The following BCAS3 variants were observed in gnomAD, a reference collection of about 807,000 sequenced individuals.
The protein encoded by BCAS3 is BCAS4/BCAS3 fusion.
BCAS3 carries 53 observed loss-of-function variants against 116.1 expected under a neutral mutation model. The ratio of observed to expected loss-of-function variants is 0.46; its 90% CI spans 0.37 to 0.57. The LOEUF is 0.57. BCAS3 is among the 20% of genes least tolerant of loss of function. BCAS3 has a pLI of 0.00. For synonymous variants in BCAS3, 391 were observed against 408.2 expected (o/e 0.96, Z 0.51); for missense variants, 917 against 1,165.4 (o/e 0.79, Z 3.10).
In BCAS3 at chr17:60,732,832, C is replaced by T. The variant is rs150357510; in HGVS notation, c.322-14366C>T. Among the ~76,000 whole-genome samples the T allele has an allele frequency of 2.4e-3, 364 of 152,086 alleles. 2 individuals carry two copies. Among genetic ancestry groups the T allele is most frequent in the African/African-American group, 8.1e-3 (337 of 41,486 alleles). ...CCAGCCTGGCGACAGAGCGAGACAT[C>T]GTCTCAAAAATAAATAAATAAATAA... On this transcript the variant is annotated intron_variant, in intron 5 of 23. Coordinates refer to ENST00000407086, the MANE Select transcript of BCAS3 (RefSeq NM_017679.5).
At chr17:61,175,557 T>C (rs2079085913) in intron 22 of BCAS3, among the ~76,000 whole-genome samples, 2 of 152,222 alleles carry the variant, frequency 1.3e-5, no homozygotes, top group Admixed American at 6.5e-5. Context: ...CAGCAAATTA[T>C]GTGAATGTTT....
At position 61,012,954 on chromosome 17, in the gene BCAS3, A is replaced by G. The variant is rs549321850; in HGVS notation, c.1487-2797A>G. Among the ~76,000 whole-genome samples the G allele has an allele frequency of 6.6e-6, 1 of 152,180 alleles. No homozygotes were observed. Among genetic ancestry groups the G allele is most frequent in the East Asian group, 1.9e-4 (1 of 5,176 alleles). On this transcript the variant is annotated intron_variant, in intron 15 of 23. Coordinates refer to ENST00000407086, the MANE Select transcript of BCAS3 (RefSeq NM_017679.5). The surrounding 1 kb of genome is among the most constrained non-coding windows in gnomAD (Gnocchi z 4.5). The stretch of plus-strand genomic sequence containing the variant: ...TCTGGCTCAATTGAGAGGTCCTCCT[A>G]AAACTGAAATATTTTATCTGCCATA...
At chr17:60,752,410 C>T (rs2042559351) in intron 6 of BCAS3, among the ~76,000 whole-genome samples, 1 of 136,070 alleles carries the variant, frequency 7.3e-6, no homozygotes, top group African/African-American at 2.5e-5. Context: ...GAATTGCTCA[C>T]ATGTGTATTT....
intron 5 of BCAS3, among the ~76,000 whole-genome samples, chr17:60,726,970 A>G (rs574202898): frequency 4.6e-5 from 7 of 152,134 alleles, no homozygotes; most frequent in Non-Finnish European, 1.0e-4. Flanking sequence ...TGTTAGTCTT[A>G]TTTTACACTT....
intron 23 of BCAS3, among the ~76,000 whole-genome samples, chr17:61,370,147 A>T (rs2058971090): frequency 6.6e-6 from 1 of 152,204 alleles, no homozygotes; most frequent in South Asian, 2.1e-4. Context: ...CAGCTGAGGG[A>T]TTCAGGAGAG....
At chr17:60,734,364 A>C (rs1246256383) in intron 5 of BCAS3, among the ~76,000 whole-genome samples, 1 of 152,158 alleles carries the variant, frequency 6.6e-6, no homozygotes, top group Non-Finnish European at 1.5e-5. Flanking sequence ...TCTTGGCCTC[A>C]AGCAGTCCTC....
At chr17:61,127,839 G>T (rs1386133698) in intron 22 of BCAS3, among the ~76,000 whole-genome samples, 6 of 150,910 alleles carry the variant, frequency 4.0e-5, no homozygotes. Flanking sequence ...AAAGTTAGTT[G>T]GGTGATATAA....
intron 10 of BCAS3, among the ~76,000 whole-genome samples, chr17:60,897,133 G>GA (rs991556519): frequency 4.6e-5 from 7 of 152,056 alleles, no homozygotes; most frequent in African/African-American, 1.7e-4. Flanking sequence ...TTGCTTGTTG[G>GA]AAAAAATGTC....
chr17:60,761,345 A>G (rs187220066), intron 6 of BCAS3, among the ~76,000 whole-genome samples: 61 of 151,840 alleles, frequency 4.0e-4, no homozygotes, highest in Non-Finnish European at 6.5e-4. Context: ...TATTTCTCCT[A>G]ATGCTCTCCC....
intron 5 of BCAS3, among the ~76,000 whole-genome samples, chr17:60,745,506 A>G (rs565852290): frequency 5.4e-4 from 82 of 152,236 alleles, no homozygotes; most frequent in Non-Finnish European, 1.0e-3. Flanking sequence ...TAGATTTCAG[A>G]GAATGTACGA....
rs924114661 is a variant in BCAS3, at chr17:60,990,323, T to C, written c.1486+88T>C. 5.8e-6 allele frequency: 8 copies of C among 1,384,558 alleles called. No individual in the cohort carries two copies. The highest frequency in any genetic ancestry group is 7.9e-6 in the Non-Finnish European group (8 of 1,012,542). The allele number at this position is 1,384,558 out of a possible 1,614,324, so 85.8% of individuals were successfully genotyped here. A position where few individuals can be genotyped will look rare whatever the true frequency, so the allele number is the denominator to read the frequency against. On this transcript the variant is annotated intron_variant, in intron 15 of 23. Coordinates refer to ENST00000407086, the MANE Select transcript of BCAS3 (RefSeq NM_017679.5). This position sits in a 1 kb window ranked among gnomAD's most constrained non-coding sequence, Gnocchi z 5.1. ...ATCTGGGATAAAACTAAACTTGTTATAGTCTGTTCATGTAAAAAGAAGATC... is the reference window on the plus strand; with the variant it reads ...ATCTGGGATAAAACTAAACTTGTTACAGTCTGTTCATGTAAAAAGAAGATC...
At chr17:60,757,033 C>T (rs899018490) in intron 6 of BCAS3, among the ~76,000 whole-genome samples, 2 of 152,004 alleles carry the variant, frequency 1.3e-5, no homozygotes, top group African/African-American at 2.4e-5. Flanking sequence ...CGTGTTGGCG[C>T]GTGCCTGTAG....
At chr17:61,335,837 A>T (rs988168124) in intron 22 of BCAS3, among the ~76,000 whole-genome samples, 10 of 152,254 alleles carry the variant, frequency 6.6e-5, no homozygotes, top group Admixed American at 5.2e-4. Context: ...AGAAATCTAT[A>T]AACTCCAATC....
rs147126561 is a variant in BCAS3 at position 61,300,192 on chromosome 17, G to A, written c.2426-68135G>A. On this transcript the variant is annotated intron_variant, in intron 22 of 23. Coordinates refer to ENST00000407086, the MANE Select transcript of BCAS3 (RefSeq NM_017679.5). This position sits in a 1 kb window ranked among gnomAD's most constrained non-coding sequence, Gnocchi z 5.1. ...TTATACTGAAAGGACAAAACAGCCA[G>A]CCAGTCTTCTATGAGAAAGATGTCA... Among the ~76,000 whole-genome samples, 25 of 152,306 alleles carry A rather than the reference G, an allele frequency of 1.6e-4. No homozygotes were observed. The East Asian group carries it at 4.8e-3, about 29-fold the overall frequency.
chr17:60,980,220 T>C (rs1170591086), intron 14 of BCAS3, among the ~76,000 whole-genome samples: 1 of 152,186 alleles, frequency 6.6e-6, no homozygotes, highest in Non-Finnish European at 1.5e-5. Flanking sequence ...GCGGAAGCAC[T>C]TTCTAAGTGG....
intron 17 of BCAS3, chr17:61,036,414 C>G (rs1270297160): frequency 6.6e-6 from 1 of 152,174 alleles, no homozygotes; most frequent in Non-Finnish European, 1.5e-5. Context: ...GTTAAGTATG[C>G]AAGCCTTCCA....
chr17:61,115,017 T>C (rs1218569167), intron 22 of BCAS3, among the ~76,000 whole-genome samples: 1 of 151,212 alleles, frequency 6.6e-6, no homozygotes, highest in Non-Finnish European at 1.5e-5. Context: ...TAAATGGTGC[T>C]GGGAAAACTG....
chr17:60,910,583 G>A lies in BCAS3; in HGVS notation c.874G>A (p.Gly292Ser). The A allele has an allele frequency of 1.9e-6, 3 of 1,612,220 alleles. No homozygotes were observed. Among genetic ancestry groups the A allele is most frequent in the Admixed American group, 1.7e-5 (1 of 59,716 alleles). The change falls in exon 12 of 24, where the codon GGC (glycine) becomes AGC (serine). Residue 292 changes from glycine (G) to serine (S), a missense_variant. Gly to Ser is a moderately conservative substitution (Grantham distance 56). Coordinates refer to ENST00000407086, the MANE Select transcript of BCAS3 (RefSeq NM_017679.5). ...MVGKVVTQLT[G>S]TLPSGVTEDD... ...AGGGAAAGTGGTGACTCAGCTGACA[G>A]GCACACTGCCTTCAGGTGTGACAGA...
intron 5 of BCAS3, among the ~76,000 whole-genome samples, chr17:60,710,092 C>T (rs144985132): frequency 6.6e-6 from 1 of 152,256 alleles, no homozygotes; most frequent in African/African-American, 2.4e-5. Context: ...GCTGGGATTA[C>T]AGGCATGAGC....
Sources: allele counts gnomAD v4.1 joint callset (sites outside exome capture counted in the v4.1 genomes callset), GRCh38; gene constraint gnomAD v4.1.1; non-coding constraint Gnocchi (gnomAD v3.1); transcripts MANE v1.5; gene names NCBI Gene and HGNC (gene_info 2026-07-23, HGNC 2026-07-21).